ERC2: variants seen among roughly 807,000 people sequenced by gnomAD.
The protein encoded by ERC2 is ELKS/RAB6-interacting/CAST family member 2.
A neutral mutation model predicts 114.8 loss-of-function variants in ERC2; 42 were observed. That is an observed-to-expected ratio of 0.37 (90% CI 0.29 to 0.47). ERC2 has a LOEUF of 0.47. Ranked by LOEUF, ERC2 falls within the 20% of genes least tolerant of loss-of-function variation. The pLI is 0.99. For missense variants in ERC2, 939 were observed against 1,150.7 expected, an observed-to-expected ratio of 0.82 and a Z score of 2.66; for synonymous variants, 454 against 425.5, an observed-to-expected ratio of 1.07 and a Z score of -0.82.
At chr3:56,272,564 G>A (rs1318298900) in intron 3 of ERC2, among the ~76,000 whole-genome samples, 2 of 152,230 alleles carry the variant, frequency 1.3e-5, no homozygotes, top group Non-Finnish European at 2.9e-5. Flanking sequence ...GACATCAGGA[G>A]TTCAAGACCA....
At position 56,306,679 on chromosome 3, in the gene ERC2, A is replaced by G. The variant is rs114378709; in HGVS notation, c.658-10244T>C. ...TAGTATTATATACCATAATTTACAT[A>G]CGTGTTCTTTTGTACCTATCCAACA... On this transcript the variant is annotated intron_variant, in intron 2 of 17. Coordinates refer to ENST00000288221, the MANE Select transcript of ERC2 (RefSeq NM_015576.3). Among the ~76,000 whole-genome samples the G allele has an allele frequency of 7.4e-3, 1,126 of 152,254 alleles. 16 individuals are homozygous for G. The highest frequency in any genetic ancestry group is 0.026 in the African/African-American group (1,069 of 41,536).
chr3:55,566,671 C>T (rs542409174), intron 17 of ERC2, among the ~76,000 whole-genome samples: 289 of 152,200 alleles, frequency 1.9e-3, no homozygotes, highest in African/African-American at 6.5e-3. Flanking sequence ...GTGATCCACT[C>T]GCCTCAGCCT....
intron 4 of ERC2, among the ~76,000 whole-genome samples, chr3:56,159,265 T>C (rs1186547944): frequency 6.6e-6 from 1 of 152,158 alleles, no homozygotes; most frequent in Non-Finnish European, 1.5e-5. Flanking sequence ...TTTTTCTTTA[T>C]AAATTAGCCA....
At position 55,684,322 on chromosome 3, in the gene ERC2, GCA is replaced by G. The variant is rs148145445; in HGVS notation, c.2848-465_2848-464del. Among the ~76,000 whole-genome samples the G allele has an allele frequency of 9.0e-3, 1,343 of 149,356 alleles. 14 individuals carry two copies. Among genetic ancestry groups the G allele is most frequent in the African/African-American group, 0.032 (1,283 of 40,716 alleles). ...AAGAATTAAAAACACACACACACAC[GCA>G]CACACACACACACACAACTCCATCT... On this transcript the variant is annotated intron_variant, in intron 16 of 17. Coordinates refer to ENST00000288221, the MANE Select transcript of ERC2 (RefSeq NM_015576.3).
chr3:56,048,118 G>C (rs1194326352), intron 7 of ERC2, among the ~76,000 whole-genome samples: 1 of 152,164 alleles, frequency 6.6e-6, no homozygotes, highest in Admixed American at 6.5e-5. Flanking sequence ...AGATAAGCAA[G>C]TCAAATCTGC....
chr3:55,651,681 G>A (rs1442714431), intron 17 of ERC2, among the ~76,000 whole-genome samples: 2 of 152,176 alleles, frequency 1.3e-5, no homozygotes, highest in African/African-American at 2.4e-5. Flanking sequence ...GTCCATACAT[G>A]TGGTTTGATA....
At chr3:56,370,806 C>A (rs1208775505) in intron 2 of ERC2, among the ~76,000 whole-genome samples, 1 of 152,086 alleles carries the variant, frequency 6.6e-6, no homozygotes, top group Non-Finnish European at 1.5e-5. Flanking sequence ...TGTTGGCAGG[C>A]TGGTCTCAAA....
chr3:56,149,791 C>A (rs1575595299), intron 4 of ERC2, among the ~76,000 whole-genome samples: 1 of 152,074 alleles, frequency 6.6e-6, no homozygotes, highest in African/African-American at 2.4e-5. Flanking sequence ...AACATGACTA[C>A]CTTGCAGGGC....
Position 55,892,833 on chromosome 3 carries a change from A to C in ERC2, c.2404-4284T>G, listed in dbSNP as rs543074005. On this transcript the variant is annotated intron_variant, in intron 13 of 17. Transcript: ENST00000288221. ...AGTTTTAATATATGAGCAGTGCTCT[A>C]TCCACTCCTCATCTTCCTAAAACTG... 2.0e-5 allele frequency among the ~76,000 whole-genome samples: 3 copies of C among 152,268 alleles called. No individual in the cohort carries two copies. In the South Asian group the frequency reaches 6.2e-4, roughly 32 times the overall value.
chr3:55,589,432 A>G (rs1293815811), intron 17 of ERC2, among the ~76,000 whole-genome samples: 2 of 152,308 alleles, frequency 1.3e-5, no homozygotes, highest in Non-Finnish European at 2.9e-5. Context: ...AATTCCGCAC[A>G]TCTACCATGA....
intron 13 of ERC2, among the ~76,000 whole-genome samples, chr3:55,921,070 T>G (rs772228152): frequency 5.9e-5 from 9 of 152,138 alleles, no homozygotes; most frequent in Non-Finnish European, 8.8e-5. Flanking sequence ...AATTTGCTGC[T>G]TATGTACTAA....
chr3:55,749,891 A>C (rs1260553593), intron 14 of ERC2, among the ~76,000 whole-genome samples: 1 of 152,154 alleles, frequency 6.6e-6, no homozygotes. Flanking sequence ...TTCATTCTTG[A>C]AGTCGGTGAG....
At chr3:56,200,907 T>G (rs2048370314) in intron 3 of ERC2, among the ~76,000 whole-genome samples, 1 of 152,252 alleles carries the variant, frequency 6.6e-6, no homozygotes, top group Non-Finnish European at 1.5e-5. Context: ...GACAGCCGGT[T>G]GTTAAACGTT....
chr3:56,291,822 T>TA (rs879824002), intron 3 of ERC2, among the ~76,000 whole-genome samples: 8,931 of 129,838 alleles, frequency 0.069, 598 homozygotes, highest in African/African-American at 0.19. Context: ...TTCTTTCTAC[T>TA]AAAAAAAAAA....
chr3:56,199,089 T>A (rs1379130425), intron 3 of ERC2, among the ~76,000 whole-genome samples: 16 of 152,148 alleles, frequency 1.1e-4, no homozygotes, highest in Non-Finnish European at 1.3e-4. Context: ...AAGAAAGACA[T>A]GGTACCTATG....
intron 5 of ERC2, among the ~76,000 whole-genome samples, chr3:56,142,978 C>T (rs921838773): frequency 3.9e-5 from 6 of 152,114 alleles, no homozygotes; most frequent in African/African-American, 1.2e-4. Context: ...TGAAGTTTTC[C>T]GATCATCTTG....
At chr3:55,531,738 A>T (rs938801634) in intron 17 of ERC2, among the ~76,000 whole-genome samples, 5 of 152,210 alleles carry the variant, frequency 3.3e-5, no homozygotes, top group African/African-American at 1.2e-4. Flanking sequence ...GATAGAAATG[A>T]ATTCCCCTTC....
Position 55,729,837 on chromosome 3 carries a change from C to CAAAAAAAAAAAAAAAAAAAAA in ERC2, c.2712+4913_2712+4933dup, listed in dbSNP as rs71096498. Among the ~76,000 whole-genome samples the CAAAAAAAAAAAAAAAAAAAAA allele has an allele frequency of 4.9e-4, 30 of 61,632 alleles. 10 individuals are homozygous for CAAAAAAAAAAAAAAAAAAAAA. The highest frequency in any genetic ancestry group is 2.0e-3 in the African/African-American group (23 of 11,686). 40.4% of individuals were successfully genotyped at this position (61,632 alleles called of 152,430 possible). On this transcript the variant is annotated intron_variant, in intron 15 of 17. Coordinates refer to ENST00000288221, the MANE Select transcript of ERC2 (RefSeq NM_015576.3). ...AGGGTAATGCAGTGAGACTCTATCG[C>CAAAAAAAAAAAAAAAAAAAAA]AAAAAAAAAAAAAAAAAAAAAAAAA...
chr3:56,023,037 A>G (rs1193507611), intron 7 of ERC2, among the ~76,000 whole-genome samples: 1 of 152,150 alleles, frequency 6.6e-6, no homozygotes, highest in Non-Finnish European at 1.5e-5. Context: ...AGCTCTGCCC[A>G]AGAATTAATG....
Sources: gnomAD v4.1 joint callset for allele counts (sites outside exome capture counted in the v4.1 genomes callset) on GRCh38, gnomAD v4.1.1 for gene constraint, MANE v1.5 for transcripts, NCBI Gene and HGNC (gene_info 2026-07-23, HGNC 2026-07-21) for gene names.